The following VPS13C variants were observed in gnomAD, a reference collection of about 807,000 sequenced individuals.
VPS13C encodes intermembrane lipid transfer protein VPS13C.
In VPS13C, 358 loss-of-function variants were observed where a neutral mutation model predicts 456.8. The observed-to-expected ratio is 0.78, with a 90% CI of 0.72 to 0.86. The LOEUF is 0.86. Ranked by LOEUF, VPS13C falls within the 40% of genes least tolerant of loss-of-function variation. The pLI is 0.00. For synonymous variants in VPS13C, 1,578 were observed against 1,486.7 expected (o/e 1.06, Z -1.41); for missense variants, 4,818 against 4,385.4 (o/e 1.10, Z -2.79).
intron 66 of VPS13C, among the ~76,000 whole-genome samples, chr15:61,902,034 T>C (rs1291916933): frequency 6.1e-5 from 9 of 147,206 alleles, no homozygotes; most frequent in African/African-American, 2.3e-4. Context: ...ACACAGCATA[T>C]TCTCACTCAT....
chr15:61,976,709 T>C (rs149865736), intron 24 of VPS13C, among the ~76,000 whole-genome samples: 1,679 of 152,160 alleles, frequency 0.011, 26 homozygotes, highest in African/African-American at 0.039. Context: ...CATAACTGTC[T>C]ACTTAAATTC....
intron 13 of VPS13C, among the ~76,000 whole-genome samples, chr15:62,009,913 C>T (rs181042422): frequency 7.4e-4 from 112 of 152,200 alleles, no homozygotes; most frequent in African/African-American, 2.6e-3. Flanking sequence ...ACAGGCCAGG[C>T]GCGGTAGCTC....
intron 42 of VPS13C, among the ~76,000 whole-genome samples, chr15:61,947,661 C>G (rs1472096668): frequency 6.6e-6 from 1 of 152,006 alleles, no homozygotes; most frequent in Non-Finnish European, 1.5e-5. Flanking sequence ...TGATTCTGAA[C>G]TCCTTTTCGT....
In VPS13C at chr15:62,020,472, A is replaced by G. The variant is rs114090485; in HGVS notation, c.684+7T>C. 8,547 of 1,607,834 alleles carry G rather than the reference A, an allele frequency of 5.3e-3. 114 individuals carry two copies. The highest frequency in any genetic ancestry group is 0.045 in the African/African-American group (3,352 of 74,678). ...TCCATAGAAGTTTAAAATAAAGCAA[A>G]CATTACCAGTAGACTAAGCTCTCCC... On this transcript the variant is annotated splice_region_variant and intron_variant, in intron 9 of 84. Coordinates refer to ENST00000644861, the MANE Select transcript of VPS13C (RefSeq NM_020821.3).
chr15:61,862,240 A>T (rs1452043012), intron 82 of VPS13C, among the ~76,000 whole-genome samples: 1 of 152,198 alleles, frequency 6.6e-6, no homozygotes, highest in African/African-American at 2.4e-5. Flanking sequence ...GTTAGCAAGG[A>T]AACTAAGTCA....
chr15:62,005,862 C>G (rs1319195272), intron 15 of VPS13C, among the ~76,000 whole-genome samples: 1 of 151,550 alleles, frequency 6.6e-6, no homozygotes, highest in Non-Finnish European at 1.5e-5. Flanking sequence ...ACCACCACGC[C>G]CAGCTAATTT....
At chr15:62,030,657 T>C (rs1156508798) in intron 5 of VPS13C, among the ~76,000 whole-genome samples, 2 of 152,054 alleles carry the variant, frequency 1.3e-5, no homozygotes, top group African/African-American at 2.4e-5. Flanking sequence ...GACTAGTAAT[T>C]GGCCAAAAAT....
Position 61,936,768 on chromosome 15 carries a change from TTTG to T in VPS13C, c.5602-21_5602-19del. ...AGAGCAACCTAGAAACCACCAATAA[TTTG>T]TTAACTCTAAGTAATAAAAAAAATG... On this transcript the variant is annotated intron_variant, in intron 47 of 84. Transcript: ENST00000644861. 6.3e-7 allele frequency: 1 copy of T among 1,589,252 alleles called. No homozygotes were observed. Among genetic ancestry groups the T allele is most frequent in the Non-Finnish European group, 8.5e-7 (1 of 1,171,854 alleles).
At position 61,991,689 on chromosome 15, in the gene VPS13C, T is replaced by C. The variant is rs1295122390; in HGVS notation, c.1467A>G (p.Glu489=). 20 of 1,612,224 alleles carry C rather than the reference T, an allele frequency of 1.2e-5. No homozygotes were observed. Among genetic ancestry groups the C allele is most frequent in the Middle Eastern group, 1.6e-4 (1 of 6,078 alleles). Reference sequence around the variant, plus strand: ...GGAACTTACTTTCAGGAATCAATGATTCTTCGTCCTTTTTCTTAGACTCTT... The same window carrying C: ...GGAACTTACTTTCAGGAATCAATGACTCTTCGTCCTTTTTCTTAGACTCTT... ...GKKESKKKDE[E]SLIPETIDDL... is the part of the protein sequence containing the mutation. Residue 489 remains glutamate, a synonymous_variant, in exon 17 of 85, where the codon GAA becomes GAG. Coordinates refer to ENST00000644861, the MANE Select transcript of VPS13C (RefSeq NM_020821.3).
At chr15:61,908,867 A>G (rs763416915) in intron 65 of VPS13C, 125 bp downstream of exon 65, 61 of 1,125,608 alleles carry the variant, frequency 5.4e-5, no homozygotes, top group Non-Finnish European at 6.7e-5. Context: ...TATTAAAGAT[A>G]AATACCATGT....
intron 1 of VPS13C, among the ~76,000 whole-genome samples, chr15:62,053,305 A>G (rs932473234): frequency 2.6e-5 from 4 of 152,228 alleles, no homozygotes; most frequent in African/African-American, 9.6e-5. Context: ...AGCCAAAAAA[A>G]GCAAAAAGAG....
chr15:61,887,042 T>C (rs1361796161), intron 67 of VPS13C, among the ~76,000 whole-genome samples: 3 of 152,080 alleles, frequency 2.0e-5, no homozygotes, highest in African/African-American at 7.2e-5. Context: ...CTCAACATAG[T>C]ACTGGAAGTC....
chr15:62,054,881 T>C (rs1229527020), intron 1 of VPS13C, among the ~76,000 whole-genome samples: 1 of 152,192 alleles, frequency 6.6e-6, no homozygotes, highest in African/African-American at 2.4e-5. Context: ...ATCAATATTA[T>C]CAACAATGAC....
chr15:61,994,495 A>G (rs1419206943), intron 16 of VPS13C, among the ~76,000 whole-genome samples: 2 of 152,150 alleles, frequency 1.3e-5, no homozygotes, highest in Non-Finnish European at 2.9e-5. Flanking sequence ...TGCAGAGATA[A>G]GGCTATTCAT....
At chr15:61,930,191 T>C (rs1389089264) in intron 50 of VPS13C, among the ~76,000 whole-genome samples, 1 of 152,142 alleles carries the variant, frequency 6.6e-6, no homozygotes. Flanking sequence ...CCTACGAAAA[T>C]TTGAGTCTGA....
intron 1 of VPS13C, among the ~76,000 whole-genome samples, chr15:62,052,071 A>C (rs895433850): frequency 3.9e-5 from 6 of 152,188 alleles, no homozygotes. Context: ...TCCTAGGTCA[A>C]CTTTCTTAAT....
At chr15:61,922,146 A>G in intron 54 of VPS13C, 113 bp from the exon 55 acceptor site, 1 of 1,184,030 alleles carries the variant, frequency 8.4e-7, no homozygotes, top group South Asian at 1.4e-5. Flanking sequence ...AGCCATTTTC[A>G]AAACCCATCT....
intron 66 of VPS13C, among the ~76,000 whole-genome samples, chr15:61,898,033 T>C (rs2042883657): frequency 6.6e-6 from 1 of 151,828 alleles, no homozygotes; most frequent in Non-Finnish European, 1.5e-5. Context: ...AATAAAATAC[T>C]TTACAGACAA....
rs2048336321 is a variant in VPS13C, at chr15:62,044,272, C to A, written c.101-17G>T. The A allele has an allele frequency of 1.4e-6, 2 of 1,427,562 alleles. No homozygotes were observed. The highest frequency in any genetic ancestry group is 1.4e-5 in the African/African-American group (1 of 69,360). The allele number at this position is 1,427,562 out of a possible 1,614,324, so 88.4% of individuals were successfully genotyped here. A position where few individuals can be genotyped will look rare whatever the true frequency, so the allele number is the denominator to read the frequency against. On this transcript the variant is annotated splice_polypyrimidine_tract_variant and intron_variant, in intron 1 of 84. Coordinates refer to ENST00000644861, the MANE Select transcript of VPS13C (RefSeq NM_020821.3). ...CCACATTTCCTTTAAAAAAAGAAAACAAAGAAAAATATTACTATAACATAC... is the reference window on the plus strand; with the variant it reads ...CCACATTTCCTTTAAAAAAAGAAAAAAAAGAAAAATATTACTATAACATAC...
Sources: gnomAD v4.1 joint callset for allele counts (sites outside exome capture counted in the v4.1 genomes callset) on GRCh38, gnomAD v4.1.1 for gene constraint, MANE v1.5 for transcripts, NCBI Gene and HGNC (gene_info 2026-07-23, HGNC 2026-07-21) for gene names.